The following SLC39A11 variants were observed in gnomAD, a reference collection of about 807,000 sequenced individuals.
The protein encoded by SLC39A11 is solute carrier family 39 member 11.
SLC39A11 carries 33 observed loss-of-function variants against 36.1 expected under a neutral mutation model. The ratio of observed to expected loss-of-function variants is 0.91; its 90% CI spans 0.69 to 1.22. The LOEUF (loss-of-function observed/expected upper bound fraction) is 1.22. Among genes scored for constraint, SLC39A11 ranks in the 50% most tolerant of loss-of-function variants. The pLI, the probability that SLC39A11 is intolerant of heterozygous loss-of-function variation, is 0.00. For synonymous variants in SLC39A11, 166 were observed against 170.3 expected (o/e 0.97, Z 0.20); for missense variants, 432 against 430.3 (o/e 1.00, Z -0.03).
rs570167017 is a variant in SLC39A11 at position 72,860,630 on chromosome 17, G to A, written c.431-10826C>T. Among the ~76,000 whole-genome samples the A allele has an allele frequency of 3.9e-5, 6 of 152,266 alleles. No homozygotes were observed. In the South Asian group the frequency reaches 1.0e-3, roughly 26 times the overall value. ...GCTCAGGGAGACAAGCGAAAAACCC[G>A]TACCAGGCTTGGTGCACGTTCCTCT... On this transcript the variant is annotated intron_variant, in intron 5 of 9. Transcript: ENST00000255559.
intron 4 of SLC39A11, among the ~76,000 whole-genome samples, chr17:72,982,607 T>G (rs1441297565): frequency 1.3e-5 from 2 of 152,206 alleles, no homozygotes; most frequent in East Asian, 3.8e-4. Flanking sequence ...TCAGATTTTG[T>G]TTCTTTAAAG....
chr17:73,012,505 C>A (rs1171318152), intron 4 of SLC39A11, among the ~76,000 whole-genome samples: 1 of 151,532 alleles, frequency 6.6e-6, no homozygotes, highest in Non-Finnish European at 1.5e-5. Context: ...ACTGTTTCTG[C>A]AAAGGGTCAG....
At chr17:73,077,158 C>G (rs1568234985) in intron 3 of SLC39A11, among the ~76,000 whole-genome samples, 1 of 152,172 alleles carries the variant, frequency 6.6e-6, no homozygotes, top group Non-Finnish European at 1.5e-5. Flanking sequence ...TACTGCCTTT[C>G]CCTAGTTCAG....
chr17:73,016,742 G>A (rs2058182063), intron 4 of SLC39A11, among the ~76,000 whole-genome samples: 1 of 152,172 alleles, frequency 6.6e-6, no homozygotes, highest in South Asian at 2.1e-4. Flanking sequence ...AGGCAGCTGT[G>A]GCAATATTTC....
chr17:72,891,259 T>C (rs1326115099), intron 5 of SLC39A11, among the ~76,000 whole-genome samples: 1 of 152,014 alleles, frequency 6.6e-6, no homozygotes, highest in Non-Finnish European at 1.5e-5. Flanking sequence ...CCATCTCTAC[T>C]AAAAATACAA....
intron 5 of SLC39A11, among the ~76,000 whole-genome samples, chr17:72,868,951 A>C (rs915594870): frequency 6.6e-6 from 1 of 152,234 alleles, no homozygotes; most frequent in Non-Finnish European, 1.5e-5. Flanking sequence ...CACACTTTGC[A>C]TAATCCCCAT....
intron 4 of SLC39A11, among the ~76,000 whole-genome samples, chr17:72,994,777 C>T (rs2089404538): frequency 6.6e-6 from 1 of 152,134 alleles, no homozygotes; most frequent in Non-Finnish European, 1.5e-5. Flanking sequence ...AAAGAACAAA[C>T]ACTCCATGAG....
At chr17:72,904,895 T>C (rs7405650) in intron 5 of SLC39A11, among the ~76,000 whole-genome samples, 98,296 of 152,064 alleles carry the variant, frequency 0.65, 33,927 homozygotes, top group African/African-American at 0.91. Context: ...ATAGCACGGC[T>C]GGGCACAGTG....
intron 6 of SLC39A11, chr17:72,837,875 G>A: frequency 9.2e-7 from 1 of 1,084,998 alleles, no homozygotes; most frequent in Non-Finnish European, 1.2e-6. Context: ...TAGTGCAGGG[G>A]CTGGAGGGAG....
chr17:72,656,997 T>TA (rs1355702038), intron 7 of SLC39A11, among the ~76,000 whole-genome samples: 1 of 147,428 alleles, frequency 6.8e-6, no homozygotes. Context: ...TAAAAATAAA[T>TA]AAAAAAGAGA....
rs2148248691 is a variant in SLC39A11, at chr17:72,987,200, A to C, written c.307-39325T>G. ...ATCTGTTCCCCCTTCACCATCTGCC[A>C]TGATTGGAAGCTTCTTGAGGCCCTC... On this transcript the variant is annotated intron_variant, in intron 4 of 9. Transcript: ENST00000255559. Among the ~76,000 whole-genome samples, 3 of 152,304 alleles carry C rather than the reference A, an allele frequency of 2.0e-5. 1 individual carries two copies. The South Asian group carries it at 6.2e-4, about 32-fold the overall frequency.
intron 4 of SLC39A11, among the ~76,000 whole-genome samples, chr17:72,980,769 A>T (rs567068360): frequency 1.6e-4 from 25 of 152,330 alleles, no homozygotes; most frequent in African/African-American, 5.8e-4. Context: ...TCATGCCTGT[A>T]ATCCCGACAC....
At chr17:72,768,384 G>C (rs1387824431) in intron 6 of SLC39A11, among the ~76,000 whole-genome samples, 1 of 152,208 alleles carries the variant, frequency 6.6e-6, no homozygotes, top group Non-Finnish European at 1.5e-5. Flanking sequence ...AGATAGTGAG[G>C]TGGATTAGAT....
rs182885301 is a variant in SLC39A11 at position 73,076,112 on chromosome 17, G to A, written c.147+8696C>T. Among the ~76,000 whole-genome samples the A allele has an allele frequency of 2.0e-5, 3 of 151,232 alleles. No individual in the cohort carries two copies. The East Asian group carries it at 5.9e-4, about 30-fold the overall frequency. On this transcript the variant is annotated intron_variant, in intron 3 of 9. Transcript: ENST00000255559. ...CTCTAGGATCCTGAGAGGGAATAAT[G>A]ACTTTTTTTAATGGTAACCACTCTC...
intron 5 of SLC39A11, among the ~76,000 whole-genome samples, chr17:72,861,766 A>ATT (rs1446951272): frequency 8.9e-6 from 1 of 112,754 alleles, no homozygotes; most frequent in African/African-American, 3.7e-5. Context: ...ATATATATAT[A>ATT]TATATATATA....
At chr17:72,990,805 T>TAA (rs945687454) in intron 4 of SLC39A11, among the ~76,000 whole-genome samples, 1 of 152,184 alleles carries the variant, frequency 6.6e-6, no homozygotes, top group African/African-American at 2.4e-5. Flanking sequence ...TATATATATA[T>TAA]AACCTAGAGA....
intron 2 of SLC39A11, 110 bp downstream of exon 2, chr17:73,088,547 G>T: frequency 1.3e-6 from 1 of 775,348 alleles, no homozygotes; most frequent in South Asian, 1.5e-5. Context: ...ATGCCTGGGG[G>T]TGTGGCCAGG....
At chr17:72,915,692 C>T (rs916445246) in intron 5 of SLC39A11, among the ~76,000 whole-genome samples, 1 of 152,218 alleles carries the variant, frequency 6.6e-6, no homozygotes, top group Non-Finnish European at 1.5e-5. Flanking sequence ...TGGCAGTGGG[C>T]GAAAGCCGAG....
Position 72,969,237 on chromosome 17 carries a change from C to T in SLC39A11, c.307-21362G>A, listed in dbSNP as rs186410702. On this transcript the variant is annotated intron_variant, in intron 4 of 9. Transcript: ENST00000255559. ...TGGTTCCAAGGAGACCAAAATGAAG[C>T]CAGCTTCATTGGCAGCAGCTAGACA... Among the ~76,000 whole-genome samples, 8 of 152,252 alleles carry T rather than the reference C, an allele frequency of 5.3e-5. No individual in the cohort carries two copies. In the East Asian group the frequency reaches 1.6e-3, roughly 30 times the overall value.
Sources: gnomAD v4.1 joint callset for allele counts (sites outside exome capture counted in the v4.1 genomes callset) on GRCh38, gnomAD v4.1.1 for gene constraint, MANE v1.5 for transcripts, NCBI Gene and HGNC (gene_info 2026-07-23, HGNC 2026-07-21) for gene names.